The following FTCDNL1 variants were observed in gnomAD, a reference collection of about 807,000 sequenced individuals.
The protein encoded by FTCDNL1 is formiminotransferase cyclodeaminase N-terminal like, also known as formiminotransferase N-terminal subdomain-containing protein.
In FTCDNL1, 11 loss-of-function variants were observed where a neutral mutation model predicts 5.9. The ratio of observed to expected loss-of-function variants is 1.87; its 90% CI spans 1.18 to 3.10. The LOEUF (loss-of-function observed/expected upper bound fraction) is 3.10, where lower values mean the gene tolerates loss of function less well. Among genes scored for constraint, FTCDNL1 ranks in the 30% most tolerant of loss-of-function variants. The pLI is 0.00. For synonymous variants in FTCDNL1, 58 were observed against 24.8 expected, an observed-to-expected ratio of 2.34 and a Z score of -3.99; for missense variants, 115 against 65.5, an observed-to-expected ratio of 1.76 and a Z score of -2.61.
the FTCDNL1 span, among the ~76,000 whole-genome samples, chr2:199,744,818 C>T: frequency 6.6e-6 from 1 of 152,222 alleles, no homozygotes. Context: ...CTTTATCTCC[C>T]AACCTTCGTA....
the FTCDNL1 span, among the ~76,000 whole-genome samples, chr2:199,731,418 T>C: frequency 0.027 from 4,154 of 152,288 alleles, 187 homozygotes; most frequent in African/African-American, 0.094. Flanking sequence ...GAGAATTTAT[T>C]TCCAAGGAAA....
chr2:199,688,847 TATG>T, the FTCDNL1 span, among the ~76,000 whole-genome samples: 1 of 152,194 alleles, frequency 6.6e-6, no homozygotes, highest in East Asian at 1.9e-4. Flanking sequence ...TTAAGGGCAT[TATG>T]ATAAGATGCC....
intron 3 of FTCDNL1, among the ~76,000 whole-genome samples, chr2:199,838,357 GA>G (rs1444735505): frequency 6.6e-6 from 1 of 152,166 alleles, no homozygotes; most frequent in African/African-American, 2.4e-5. Flanking sequence ...ATCGCCAAGA[GA>G]AGTAGGGACT....
intron 3 of FTCDNL1, among the ~76,000 whole-genome samples, chr2:199,781,977 G>A (rs1475827723): frequency 6.6e-6 from 1 of 152,076 alleles, no homozygotes; most frequent in Non-Finnish European, 1.5e-5. Flanking sequence ...TAGAGACAGG[G>A]TTCCACCATG....
the FTCDNL1 span, among the ~76,000 whole-genome samples, chr2:199,701,138 A>C: frequency 3.0e-3 from 450 of 152,240 alleles, 3 homozygotes; most frequent in African/African-American, 9.4e-3. Context: ...ACTTTGGCCA[A>C]CAATTATTTA....
chr2:199,773,336 T>C (rs932417013), intron 3 of FTCDNL1, among the ~76,000 whole-genome samples: 1 of 151,620 alleles, frequency 6.6e-6, no homozygotes, highest in African/African-American at 2.4e-5. Context: ...CCAGTCCCCA[T>C]CTACCCCCAT....
At chr2:199,757,156 G>A (rs1481279656), downstream of FTCDNL1, among the ~76,000 whole-genome samples, 2 of 152,204 alleles carry the variant, frequency 1.3e-5, no homozygotes, top group Non-Finnish European at 2.9e-5. Context: ...AAGGAAGGAA[G>A]AAGAACCTCC....
intron 3 of FTCDNL1, among the ~76,000 whole-genome samples, chr2:199,766,084 G>C (rs749365474): frequency 3.9e-5 from 6 of 152,128 alleles, no homozygotes; most frequent in Admixed American, 3.3e-4. Context: ...CAGTTCAACA[G>C]TGTACAGACA....
At chr2:199,797,977 G>A (rs1157998613) in intron 3 of FTCDNL1, among the ~76,000 whole-genome samples, 1 of 152,196 alleles carries the variant, frequency 6.6e-6, no homozygotes, top group Non-Finnish European at 1.5e-5. Context: ...TCCCACTGGC[G>A]TTTCTGCAGG....
chr2:199,831,853 TC>T (rs1702393115), intron 3 of FTCDNL1, among the ~76,000 whole-genome samples: 1 of 152,178 alleles, frequency 6.6e-6, no homozygotes, highest in Non-Finnish European at 1.5e-5. Context: ...TCTATTACTG[TC>T]TTGATAGAAA....
chr2:199,782,821 G>T (rs574801740), intron 3 of FTCDNL1, among the ~76,000 whole-genome samples: 15 of 152,290 alleles, frequency 9.8e-5, no homozygotes, highest in South Asian at 8.3e-4. Flanking sequence ...AGTCATTCAC[G>T]ATTTTGCAGG....
At chr2:199,813,846 G>A (rs1284135798) in intron 4 of FTCDNL1, among the ~76,000 whole-genome samples, 3 of 147,746 alleles carry the variant, frequency 2.0e-5, no homozygotes, top group Non-Finnish European at 3.0e-5. Context: ...AGGAGGCAGA[G>A]GTTGCAGTGA....
intron 3 of FTCDNL1, among the ~76,000 whole-genome samples, chr2:199,833,248 A>G (rs1207169709): frequency 6.6e-6 from 1 of 152,204 alleles, no homozygotes; most frequent in Non-Finnish European, 1.5e-5. Flanking sequence ...CTGGGATTAC[A>G]GGCATGAGCC....
chr2:199,688,050 C>A, the FTCDNL1 span, among the ~76,000 whole-genome samples: 3 of 151,874 alleles, frequency 2.0e-5, no homozygotes, highest in African/African-American at 7.3e-5. Context: ...AGTTTGAGAC[C>A]AGCCTGGGCA....
chr2:199,747,381 A>G, the FTCDNL1 span, among the ~76,000 whole-genome samples: 1 of 152,162 alleles, frequency 6.6e-6, no homozygotes, highest in African/African-American at 2.4e-5. Flanking sequence ...GCCTGGAGTA[A>G]TAACTATGGT....
downstream of FTCDNL1, among the ~76,000 whole-genome samples, chr2:199,756,976 G>A (rs929448603): frequency 1.3e-5 from 2 of 152,204 alleles, no homozygotes; most frequent in Non-Finnish European, 2.9e-5. Flanking sequence ...ATTGGCCAAA[G>A]TGAATCACAT....
chr2:199,819,796 C>A (rs1396281548), intron 3 of FTCDNL1, 39 bp from the exon 4 acceptor site: 4 of 676,540 alleles, frequency 5.9e-6, no homozygotes, highest in Non-Finnish European at 1.1e-5. Context: ...AAATCACAAT[C>A]AAGCCAAATT....
chr2:199,687,549 T>A, the FTCDNL1 span, among the ~76,000 whole-genome samples: 1 of 152,182 alleles, frequency 6.6e-6, no homozygotes, highest in African/African-American at 2.4e-5. Context: ...TCTTTGGTCA[T>A]TGGCTGTGCT....
the FTCDNL1 span, among the ~76,000 whole-genome samples, chr2:199,740,441 T>C: frequency 6.6e-6 from 1 of 152,130 alleles, no homozygotes; most frequent in Non-Finnish European, 1.5e-5. Context: ...TTCTGCCCCA[T>C]TCCCTCTTGC....
Sources: allele counts gnomAD v4.1 joint callset (sites outside exome capture counted in the v4.1 genomes callset), GRCh38; gene constraint gnomAD v4.1.1; transcripts MANE v1.5; gene names NCBI Gene and HGNC (gene_info 2026-07-23, HGNC 2026-07-21).